The following DLGAP2 variants were observed in gnomAD, a reference collection of about 807,000 sequenced individuals.
DLGAP2 encodes the protein DLG associated protein 2, also known as disks large-associated protein 2.
Under a neutral mutation model 100.3 loss-of-function variants are expected in DLGAP2, and 26 were observed. The observed-to-expected ratio is 0.26, with a 90% CI of 0.19 to 0.36. The LOEUF is 0.36. Among genes scored for constraint, DLGAP2 ranks in the 10% least tolerant of loss-of-function variants. DLGAP2 has a pLI of 1.00. For missense variants in DLGAP2, 1,858 were observed against 1,453.2 expected, an observed-to-expected ratio of 1.28 and a Z score of -4.53; for synonymous variants, 886 against 630.1, an observed-to-expected ratio of 1.41 and a Z score of -6.08.
intron 6 of DLGAP2, among the ~76,000 whole-genome samples, chr8:1,592,770 A>G (rs1453974435): frequency 2.0e-5 from 3 of 152,198 alleles, no homozygotes; most frequent in Non-Finnish European, 2.9e-5. Context: ...AGGGCAATAT[A>G]AACTCATTTC....
At chr8:1,500,081 T>A (rs911975636) in intron 3 of DLGAP2, among the ~76,000 whole-genome samples, 3 of 152,230 alleles carry the variant, frequency 2.0e-5, no homozygotes, top group African/African-American at 4.8e-5. Context: ...AGTCTGAACA[T>A]GCAATCATAT....
At chr8:1,045,646 A>T (rs1053003322) in intron 2 of DLGAP2, among the ~76,000 whole-genome samples, 1 of 151,926 alleles carries the variant, frequency 6.6e-6, no homozygotes, top group African/African-American at 2.4e-5. Context: ...CCGCGCCCCC[A>T]CCCAGGTCCT....
rs534971576 is a variant in DLGAP2 at position 1,548,843 on chromosome 8, G to C, written c.390G>C (p.Gly130=). 6.3e-7 allele frequency: 1 copy of C among 1,580,166 alleles called. No homozygotes were observed. Among genetic ancestry groups the C allele is most frequent in the Non-Finnish European group, 8.6e-7 (1 of 1,166,974 alleles). The change falls in exon 5 of 15, where the codon GGG becomes GGC. Residue 130 remains glycine (G), a synonymous_variant. Coordinates refer to ENST00000637795, the MANE Select transcript of DLGAP2 (RefSeq NM_001346810.2). ...TGAGCCCCGCCGACAGCTGCCCCGGGGGGCGCCACCGCTGCTCGCCGCGCA... is the reference window on the plus strand; with the variant it reads ...TGAGCCCCGCCGACAGCTGCCCCGGCGGGCGCCACCGCTGCTCGCCGCGCA... ...YLLSPADSCP[G]GRHRCSPRSS... is the part of the protein sequence containing the mutation.
chr8:1,160,837 C>T (rs748525811), intron 2 of DLGAP2, among the ~76,000 whole-genome samples: 34 of 152,182 alleles, frequency 2.2e-4, no homozygotes, highest in African/African-American at 8.2e-4. Context: ...CACGCGATTC[C>T]GCCTCTAGTT....
At chr8:1,651,417 G>A (rs1798160478) in intron 8 of DLGAP2, among the ~76,000 whole-genome samples, 1 of 152,200 alleles carries the variant, frequency 6.6e-6, no homozygotes. Context: ...CCAGCTGCTG[G>A]TGAGGGATCC....
chr8:1,383,057 C>T (rs1001896592), intron 3 of DLGAP2, among the ~76,000 whole-genome samples: 7 of 152,168 alleles, frequency 4.6e-5, no homozygotes, highest in African/African-American at 1.2e-4. Context: ...GATCTTTGGA[C>T]GTAAGTATTC....
chr8:1,441,848 T>C (rs1451803315), intron 3 of DLGAP2, among the ~76,000 whole-genome samples: 1 of 152,004 alleles, frequency 6.6e-6, no homozygotes, highest in Non-Finnish European at 1.5e-5. Context: ...ACATGCAGGT[T>C]TGTTACGTAG....
At chr8:1,042,566 G>A (rs1802384299) in intron 2 of DLGAP2, among the ~76,000 whole-genome samples, 1 of 152,214 alleles carries the variant, frequency 6.6e-6, no homozygotes, top group Non-Finnish European at 1.5e-5. Context: ...CCGGTATTGA[G>A]TGATGCATTC....
At chr8:1,591,732 G>C (rs902525415) in intron 6 of DLGAP2, among the ~76,000 whole-genome samples, 1 of 152,126 alleles carries the variant, frequency 6.6e-6, no homozygotes, top group Non-Finnish European at 1.5e-5. Flanking sequence ...ATATCTCCTG[G>C]CCCCACATCA....
At chr8:743,568 TTTAC>T (rs1378846784) in intron 1 of DLGAP2, among the ~76,000 whole-genome samples, 1 of 152,220 alleles carries the variant, frequency 6.6e-6, no homozygotes, top group East Asian at 1.9e-4. Context: ...TTGGTATTTA[TTTAC>T]TTACTTATTT....
At chr8:1,615,927 A>T (rs915388267) in intron 6 of DLGAP2, among the ~76,000 whole-genome samples, 10 of 152,198 alleles carry the variant, frequency 6.6e-5, no homozygotes, top group African/African-American at 2.2e-4. Flanking sequence ...AAAATGTTAG[A>T]ACTCACCACA....
intron 1 of DLGAP2, among the ~76,000 whole-genome samples, chr8:844,113 G>T (rs116796317): frequency 0.017 from 2,647 of 152,240 alleles, 73 homozygotes; most frequent in African/African-American, 0.059. Flanking sequence ...TTACTTTGTG[G>T]TTCACAGTGA....
intron 2 of DLGAP2, among the ~76,000 whole-genome samples, chr8:1,094,395 C>G (rs533355055): frequency 1.3e-5 from 2 of 152,262 alleles, no homozygotes; most frequent in South Asian, 4.1e-4. Context: ...ATGGAGAATC[C>G]AGTATTTACG....
rs747102860 is a variant in DLGAP2, at chr8:1,565,909, C to T, written c.1442+15C>T. On this transcript the variant is annotated intron_variant, in intron 6 of 14. Transcript: ENST00000637795. ...GAGCACCAGACGTAAGTGAGACCAG[C>T]TGCCTTCCCACTCCAAGCACTTTCC... 12 of 1,577,824 alleles carry T rather than the reference C, an allele frequency of 7.6e-6. No homozygotes were observed. In the African/African-American group the frequency reaches 1.6e-4, roughly 21 times the overall value.
intron 2 of DLGAP2, among the ~76,000 whole-genome samples, chr8:1,194,163 G>T (rs990117864): frequency 2.6e-5 from 4 of 152,066 alleles, no homozygotes; most frequent in African/African-American, 9.7e-5. Flanking sequence ...TGAGGGGCGG[G>T]GGAATTTTAA....
At chr8:872,677 C>T (rs933314867) in intron 1 of DLGAP2, among the ~76,000 whole-genome samples, 6 of 152,294 alleles carry the variant, frequency 3.9e-5, no homozygotes, top group African/African-American at 1.4e-4. Flanking sequence ...TTCATATACC[C>T]CATACTACTC....
chr8:1,184,203 C>T (rs1797451384), intron 2 of DLGAP2, among the ~76,000 whole-genome samples: 1 of 152,292 alleles, frequency 6.6e-6, no homozygotes, highest in East Asian at 1.9e-4. Flanking sequence ...GAGAGCAAGC[C>T]ATTTAAAAGG....
At position 1,001,141 on chromosome 8, in the gene DLGAP2, G is replaced by T. The variant is rs537732242; in HGVS notation, c.73+93175G>T. Among the ~76,000 whole-genome samples, 23 of 152,322 alleles carry T rather than the reference G, an allele frequency of 1.5e-4. No homozygotes were observed. In the South Asian group the frequency reaches 4.8e-3, roughly 32 times the overall value. ...ATATAAAACATTTATTCATGAGTGT[G>T]TGCCCCTTTTTCTTGTATGCTTGCT... On this transcript the variant is annotated intron_variant, in intron 2 of 14. Coordinates refer to ENST00000637795, the MANE Select transcript of DLGAP2 (RefSeq NM_001346810.2).
rs1227746083 is a variant in DLGAP2 at position 907,962 on chromosome 8, T to C, written c.69T>C (p.Asn23=). The C allele has an allele frequency of 2.5e-6, 1 of 399,010 alleles. No homozygotes were observed. Among genetic ancestry groups the C allele is most frequent in the African/African-American group, 2.1e-5 (1 of 48,764 alleles). 24.7% of individuals were successfully genotyped at this position (399,010 alleles called of 1,614,324 possible). A position where few individuals can be genotyped will look rare whatever the true frequency, so the allele number is the denominator to read the frequency against. Residue 23 remains asparagine, a synonymous_variant, in exon 2 of 15, where the codon AAT becomes AAC. Transcript: ENST00000637795. ...QKHCCILPDR[N]TESQCTLCGE... The stretch of plus-strand genomic sequence containing the variant: ...ATTGCTGTATCTTACCAGACAGGAA[T>C]ACAGGTAAATACATTTCATTCTTCT...
Sources: allele counts gnomAD v4.1 joint callset (sites outside exome capture counted in the v4.1 genomes callset), GRCh38; gene constraint gnomAD v4.1.1; transcripts MANE v1.5; gene names NCBI Gene and HGNC (gene_info 2026-07-23, HGNC 2026-07-21).